Variants in FRYL observed in about 807,000 individuals in gnomAD.
FRYL encodes the protein FRY like transcription coactivator.
A neutral mutation model predicts 351.2 loss-of-function variants in FRYL; 150 were observed. The observed-to-expected ratio is 0.43, with a 90% CI of 0.37 to 0.49. The LOEUF (loss-of-function observed/expected upper bound fraction) is 0.49. Ranked by LOEUF, FRYL falls within the 20% of genes least tolerant of loss-of-function variation. FRYL has a pLI of 0.00. For missense variants in FRYL, 3,036 were observed against 3,619.3 expected, an observed-to-expected ratio of 0.84 and a Z score of 4.13; for synonymous variants, 1,153 against 1,257.1, an observed-to-expected ratio of 0.92 and a Z score of 1.75.
intron 7 of FRYL, among the ~76,000 whole-genome samples, chr4:48,611,056 C>T (rs1256036279): frequency 1.3e-5 from 2 of 151,692 alleles, no homozygotes; most frequent in Admixed American, 6.6e-5. Flanking sequence ...ATTGCTAACA[C>T]ATATTCTAGT....
chr4:48,663,979 AG>A (rs1761293194), intron 3 of FRYL, among the ~76,000 whole-genome samples: 1 of 152,156 alleles, frequency 6.6e-6, no homozygotes, highest in South Asian at 2.1e-4. Context: ...TAGGGTGGTC[AG>A]GGAAGGCCAC....
At chr4:48,753,539 T>C (rs78781065) in intron 1 of FRYL, among the ~76,000 whole-genome samples, 8,926 of 152,286 alleles carry the variant, frequency 0.059, 366 homozygotes, top group Non-Finnish European at 0.09. Context: ...GTTTTCTCGG[T>C]ACAAGTCCCT....
At chr4:48,684,272 A>C (rs1418411497) in intron 3 of FRYL, among the ~76,000 whole-genome samples, 2 of 152,216 alleles carry the variant, frequency 1.3e-5, no homozygotes, top group African/African-American at 4.8e-5. Context: ...ATACTCTCAC[A>C]GTTATAATAT....
Position 48,540,568 on chromosome 4 carries a change from T to C in FRYL, c.6080A>G (p.Asn2027Ser), listed in dbSNP as rs200922902. Residue 2027 changes from asparagine to serine, a missense_variant, in exon 46 of 64, where the codon AAC becomes AGC. Physicochemically the swap from Asn to Ser is conservative, Grantham distance 46. Around this residue, in one of 7 missense-constraint regions of FRYL, gnomAD observed 1,987 missense variants for 2,311.7 expected, o/e 0.86. Transcript: ENST00000358350. Reference protein sequence around the residue: ...YEYLLALRLLNKLLIHLPLDK... With the variant: ...YEYLLALRLLSKLLIHLPLDK... ...CAAAGGCAAATGGATAAGCAGTTTGTTGAGAAGCCTGAGAGCCAGGAGGTA... is the reference window on the plus strand; with the variant it reads ...CAAAGGCAAATGGATAAGCAGTTTGCTGAGAAGCCTGAGAGCCAGGAGGTA... The C allele has an allele frequency of 3.7e-4, 602 of 1,614,036 alleles. No homozygotes were observed. The highest frequency in any genetic ancestry group is 4.6e-4 in the Non-Finnish European group (541 of 1,179,946).
At position 48,557,349 on chromosome 4, in the gene FRYL, T is replaced by C. The variant is rs1734355129; in HGVS notation, c.4125+104A>G. 2.1e-6 allele frequency: 3 copies of C among 1,426,042 alleles called. No individual in the cohort carries two copies. The African/African-American group carries it at 4.3e-5, about 20-fold the overall frequency. 88.3% of individuals were successfully genotyped at this position (1,426,042 alleles called of 1,614,324 possible). On this transcript the variant is annotated intron_variant, in intron 34 of 63. Transcript: ENST00000358350. Reference sequence around the variant, plus strand: ...ATGAGTCTTTTTTAAAGAAAGATATTTGTTTGGTTATCACAGGATTATGGA... The same window carrying C: ...ATGAGTCTTTTTTAAAGAAAGATATCTGTTTGGTTATCACAGGATTATGGA...
intron 4 of FRYL, among the ~76,000 whole-genome samples, chr4:48,628,280 T>C (rs1429209601): frequency 1.3e-5 from 2 of 152,164 alleles, no homozygotes. Flanking sequence ...TAGAGACTGA[T>C]TTAAAACTAT....
chr4:48,552,761 A>C (rs1441864235), intron 36 of FRYL, among the ~76,000 whole-genome samples: 1 of 152,162 alleles, frequency 6.6e-6, no homozygotes, highest in African/African-American at 2.4e-5. Context: ...GTAAAAAATA[A>C]ATTATAAAGA....
chr4:48,574,401 A>G (rs997884570), intron 25 of FRYL: 13 of 152,158 alleles, frequency 8.5e-5, no homozygotes, highest in African/African-American at 2.7e-4. Flanking sequence ...GCTATCCCAT[A>G]CCTATAGATA....
At chr4:48,602,660 T>C (rs1013423610) in intron 12 of FRYL, among the ~76,000 whole-genome samples, 4 of 152,148 alleles carry the variant, frequency 2.6e-5, no homozygotes, top group Non-Finnish European at 4.4e-5. Flanking sequence ...GGTCAAATAT[T>C]TCACCAATTC....
chr4:48,695,462 A>C (rs1766067027), intron 2 of FRYL, among the ~76,000 whole-genome samples: 1 of 152,134 alleles, frequency 6.6e-6, no homozygotes, highest in Admixed American at 6.6e-5. Context: ...CATAAGCATT[A>C]AGATGTTAAC....
At chr4:48,636,888 A>G (rs1754334620) in intron 3 of FRYL, 2 of 152,114 alleles carry the variant, frequency 1.3e-5, no homozygotes, top group South Asian at 4.1e-4. Context: ...GTTCAAGACA[A>G]ATGATTTTTA....
intron 1 of FRYL, among the ~76,000 whole-genome samples, chr4:48,734,922 T>C (rs1293644074): frequency 2.0e-5 from 3 of 152,166 alleles, no homozygotes; most frequent in East Asian, 3.9e-4. Context: ...AAGGACTTCA[T>C]GTCCAAAACA....
At chr4:48,530,465 T>G (rs1243635399) in intron 50 of FRYL, among the ~76,000 whole-genome samples, 2 of 152,124 alleles carry the variant, frequency 1.3e-5, no homozygotes, top group Non-Finnish European at 2.9e-5. Flanking sequence ...GCTAGAGTGA[T>G]CCTCCTAAAA....
intron 33 of FRYL, among the ~76,000 whole-genome samples, chr4:48,560,539 C>A (rs766854248): frequency 6.6e-6 from 1 of 151,964 alleles, no homozygotes; most frequent in Non-Finnish European, 1.5e-5. Context: ...CTCTTGAGAC[C>A]CAGCTGGACT....
chr4:48,689,899 T>C (rs867568303), intron 2 of FRYL, among the ~76,000 whole-genome samples: 17 of 148,496 alleles, frequency 1.1e-4, no homozygotes, highest in Middle Eastern at 3.5e-3. Context: ...TTTTTTCTTT[T>C]TTTTTTTTTT....
chr4:48,779,952 C>G (rs758623865), intron 1 of FRYL, 126 bp downstream of exon 1: 17 of 152,042 alleles, frequency 1.1e-4, no homozygotes, highest in African/African-American at 4.1e-4. Flanking sequence ...CCAGGAAGGA[C>G]AGCTGGCGAG....
At chr4:48,590,422 T>TA (rs772051183) in intron 17 of FRYL, among the ~76,000 whole-genome samples, 1 of 152,050 alleles carries the variant, frequency 6.6e-6, no homozygotes, top group African/African-American at 2.4e-5. Context: ...AGGTAGAGCT[T>TA]ACAGTCAGCC....
rs1750488394 is a variant in FRYL, at chr4:48,620,698, T to C, written c.255A>G (p.Gln85=). 4 of 1,614,004 alleles carry C rather than the reference T, an allele frequency of 2.5e-6. No individual in the cohort carries two copies. The highest frequency in any genetic ancestry group is 1.3e-5 in the African/African-American group (1 of 75,036). ...LRTLFDWYRR[Q]NGTEDESYEY... is the part of the protein sequence containing the mutation. ...CATAAGATTCATCTTCCGTTCCATT[T>C]TGGCGTCTGTACCAGTCAAACAAGG... is the stretch of plus-strand genomic sequence containing the variant. The change falls in exon 6 of 64, where the codon CAA becomes CAG. Residue 85 remains glutamine, a synonymous_variant. Coordinates refer to ENST00000358350, the MANE Select transcript of FRYL (RefSeq NM_015030.2).
At chr4:48,608,916 T>C (rs1747430208) in intron 9 of FRYL, 71 bp downstream of exon 9, 1 of 901,796 alleles carries the variant, frequency 1.1e-6, no homozygotes, top group African/African-American at 1.6e-5. Flanking sequence ...TATCAGTATC[T>C]ATTGTATTCA....
Sources: allele counts gnomAD v4.1 joint callset (sites outside exome capture counted in the v4.1 genomes callset), GRCh38; gene constraint gnomAD v4.1.1; regional missense constraint gnomAD v4.1.1; transcripts MANE v1.5; gene names NCBI Gene and HGNC (gene_info 2026-07-23, HGNC 2026-07-21).